Variants in GKAP1 observed in about 807,000 individuals in gnomAD.
GKAP1 encodes the protein G kinase anchoring protein 1.
Under a neutral mutation model 56.7 loss-of-function variants are expected in GKAP1, and 31 were observed. That is an observed-to-expected ratio of 0.55 (90% CI 0.41 to 0.74). The LOEUF (loss-of-function observed/expected upper bound fraction) is 0.74. Ranked by LOEUF, GKAP1 falls within the 30% of genes least tolerant of loss-of-function variation. GKAP1 has a pLI of 0.00. For synonymous variants in GKAP1, 151 were observed against 138.6 expected (o/e 1.09, Z -0.63); for missense variants, 364 against 402.3 (o/e 0.90, Z 0.82).
intron 2 of GKAP1, among the ~76,000 whole-genome samples, chr9:83,811,361 A>G (rs1944503384): frequency 1.3e-5 from 2 of 152,236 alleles, no homozygotes. Context: ...TACACATAAC[A>G]TACTACGGAA....
intron 8 of GKAP1, among the ~76,000 whole-genome samples, chr9:83,762,942 T>C (rs918942892): frequency 1.3e-5 from 2 of 152,170 alleles, no homozygotes; most frequent in Non-Finnish European, 2.9e-5. Flanking sequence ...GCTGGGTATA[T>C]ACCCGAAAGA....
chr9:83,740,567 A>C lies in GKAP1; in HGVS notation c.1054-823T>G, dbSNP rs185511928. ...ATGTATAGTTTTTCCCATTTTTATA[A>C]AACTATGGCAATGGTGTCCAAACTT... On this transcript the variant is annotated intron_variant, in intron 12 of 12. Transcript: ENST00000376371. 1.2e-4 allele frequency among the ~76,000 whole-genome samples: 18 copies of C among 152,310 alleles called. No individual in the cohort carries two copies. The East Asian group carries it at 3.5e-3, about 29-fold the overall frequency.
At chr9:83,804,679 T>C (rs1382817839) in intron 3 of GKAP1, among the ~76,000 whole-genome samples, 4 of 75,456 alleles carry the variant, frequency 5.3e-5, no homozygotes, top group Admixed American at 1.5e-4. Context: ...GGTGGGGGGG[T>C]CCAGCCCCCC....
chr9:83,771,486 A>C (rs1943759797), intron 7 of GKAP1, among the ~76,000 whole-genome samples: 1 of 152,220 alleles, frequency 6.6e-6, no homozygotes, highest in South Asian at 2.1e-4. Context: ...TTAGAAAGTA[A>C]AGTGTTTGAA....
At chr9:83,781,846 C>CTTTTTT (rs147452137) in intron 6 of GKAP1, among the ~76,000 whole-genome samples, 1 of 138,028 alleles carries the variant, frequency 7.2e-6, no homozygotes. Flanking sequence ...TGTATTTCTT[C>CTTTTTT]TTTTTTTTTT....
Position 83,799,301 on chromosome 9 carries a change from G to A in GKAP1, c.244C>T (p.Pro82Ser), listed in dbSNP as rs1944295163. ...ELRNLAFKKI[P>S]QKSSHAVCNA... ...CAAACAGCATGGGAGGATTTCTGGG[G>A]AATTTTCTTAAAAGCAAGATTCCTG... The change falls in exon 4 of 13, where the codon CCC (proline) becomes TCC (serine). Residue 82 changes from proline to serine, a missense_variant. Transcript: ENST00000376371. 1 of 1,594,544 alleles carries A rather than the reference G, an allele frequency of 6.3e-7. No individual in the cohort carries two copies. The highest frequency in any genetic ancestry group is 1.4e-5 in the African/African-American group (1 of 73,476).
At chr9:83,772,908 A>C (rs932818847) in intron 7 of GKAP1, among the ~76,000 whole-genome samples, 1 of 152,220 alleles carries the variant, frequency 6.6e-6, no homozygotes, top group Non-Finnish European at 1.5e-5. Flanking sequence ...GAATGGCTAT[A>C]ATCAAAACAA....
At chr9:83,805,817 G>GT (rs1944430955) in intron 3 of GKAP1, among the ~76,000 whole-genome samples, 1 of 152,084 alleles carries the variant, frequency 6.6e-6, no homozygotes, top group Non-Finnish European at 1.5e-5. Context: ...CAGAAAAAAC[G>GT]TACTTTAAAA....
chr9:83,788,062 G>A (rs1356959075), intron 5 of GKAP1, among the ~76,000 whole-genome samples: 2 of 152,190 alleles, frequency 1.3e-5, no homozygotes, highest in Non-Finnish European at 2.9e-5. Context: ...TGGATCAGCA[G>A]AGCTCAGGAG....
At position 83,770,397 on chromosome 9, in the gene GKAP1, A is replaced by G. The variant is rs1943737023; in HGVS notation, c.586-1427T>C. On this transcript the variant is annotated intron_variant, in intron 7 of 12. Transcript: ENST00000376371. ...CAATATCCAGCATCATGTGTTGAGAAGATTATTCTTTTGCCCTTTTAACTG... is the reference window on the plus strand; with the variant it reads ...CAATATCCAGCATCATGTGTTGAGAGGATTATTCTTTTGCCCTTTTAACTG... Among the ~76,000 whole-genome samples the G allele has an allele frequency of 1.3e-5, 2 of 152,210 alleles. 1 individual carries two copies. Among genetic ancestry groups the G allele is most frequent in the South Asian group, 4.1e-4 (2 of 4,824 alleles).
intron 8 of GKAP1, among the ~76,000 whole-genome samples, chr9:83,764,672 T>C (rs962840894): frequency 2.6e-5 from 4 of 152,062 alleles, no homozygotes; most frequent in African/African-American, 9.7e-5. Context: ...TGAATGACAA[T>C]GAAGTCCAGG....
At chr9:83,776,757 A>T (rs1374307333) in intron 7 of GKAP1, among the ~76,000 whole-genome samples, 1 of 152,116 alleles carries the variant, frequency 6.6e-6, no homozygotes, top group Non-Finnish European at 1.5e-5. Context: ...AATAGGGTTC[A>T]TTTTTTTAGC....
At chr9:83,816,741 T>C (rs1487660799) in intron 2 of GKAP1, among the ~76,000 whole-genome samples, 16 of 152,168 alleles carry the variant, frequency 1.1e-4, no homozygotes, top group Non-Finnish European at 2.4e-4. Context: ...GTTCTTCTAA[T>C]GAAAGCACTT....
At chr9:83,809,559 A>T (rs746005468) in intron 2 of GKAP1, among the ~76,000 whole-genome samples, 1 of 152,256 alleles carries the variant, frequency 6.6e-6, no homozygotes, top group African/African-American at 2.4e-5. Flanking sequence ...CAGTAGAATA[A>T]GCAGCAAGTC....
At chr9:83,815,284 T>C (rs1233040566) in intron 2 of GKAP1, among the ~76,000 whole-genome samples, 1 of 151,882 alleles carries the variant, frequency 6.6e-6, no homozygotes, top group African/African-American at 2.4e-5. Flanking sequence ...ATTTTTTTTT[T>C]CTCTTTGTGT....
intron 9 of GKAP1, among the ~76,000 whole-genome samples, chr9:83,749,957 C>A (rs935611093): frequency 6.6e-6 from 1 of 152,102 alleles, no homozygotes; most frequent in South Asian, 2.1e-4. Context: ...CAACTATATT[C>A]GCTATGAATA....
intron 5 of GKAP1, 53 bp downstream of exon 5, chr9:83,788,548 A>T: frequency 9.9e-7 from 1 of 1,014,912 alleles, no homozygotes. Context: ...GTTGATTTTA[A>T]CCTCTCACCA....
At position 83,753,318 on chromosome 9, in the gene GKAP1, T is replaced by C. The variant is rs1212194054; in HGVS notation, c.780A>G (p.Leu260=). The C allele has an allele frequency of 2.5e-6, 4 of 1,610,942 alleles. No homozygotes were observed. The South Asian group carries it at 3.3e-5, about 13-fold the overall frequency. Residue 260 remains leucine, a synonymous_variant, in exon 9 of 13, where the codon TTA becomes TTG. Transcript: ENST00000376371. ...LKDGRIERLK[L]ELERKDAEIQ... is the part of the protein sequence containing the mutation. ...TTTCAGCATCTTTCCTTTCAAGCTC[T>C]AACTTTAGTCTTTCAATTCTTCCAT... is the stretch of plus-strand genomic sequence containing the variant.
At chr9:83,748,582 TG>T (rs1943333836) in intron 9 of GKAP1, 3 of 294,566 alleles carry the variant, frequency 1.0e-5, no homozygotes, top group Non-Finnish European at 1.9e-5. Context: ...TATACGTGAT[TG>T]AAAATTAAAG....
Sources: allele counts gnomAD v4.1 joint callset (sites outside exome capture counted in the v4.1 genomes callset), GRCh38; gene constraint gnomAD v4.1.1; transcripts MANE v1.5; gene names NCBI Gene and HGNC (gene_info 2026-07-23, HGNC 2026-07-21).